EPHA6: variants seen among roughly 807,000 people sequenced by gnomAD.
The protein encoded by EPHA6 is EPH receptor A6, also known as ephrin type-A receptor 6.
In EPHA6, 50 loss-of-function variants were observed where a neutral mutation model predicts 112.0. That is an observed-to-expected ratio of 0.45 (90% CI 0.36 to 0.56). The LOEUF (loss-of-function observed/expected upper bound fraction) is 0.56, where lower values mean the gene tolerates loss of function less well. EPHA6 is among the 20% of genes least tolerant of loss of function. The pLI, the probability that EPHA6 is intolerant of heterozygous loss-of-function variation, is 0.00. For missense variants in EPHA6, 1,280 were observed against 1,417.4 expected, an observed-to-expected ratio of 0.90 and a Z score of 1.56; for synonymous variants, 529 against 490.7, an observed-to-expected ratio of 1.08 and a Z score of -1.03.
chr3:97,582,482 G>A (rs575778627), intron 11 of EPHA6, among the ~76,000 whole-genome samples: 3 of 152,244 alleles, frequency 2.0e-5, no homozygotes, highest in African/African-American at 7.2e-5. Flanking sequence ...AGACATGGAA[G>A]GAAATCCCAT....
chr3:97,644,613 A>C (rs372159626), intron 14 of EPHA6, among the ~76,000 whole-genome samples: 57 of 151,978 alleles, frequency 3.8e-4, no homozygotes, highest in South Asian at 2.3e-3. Flanking sequence ...GATATCACCA[A>C]CGATCCCACA....
At chr3:97,303,546 C>T (rs943884839) in intron 5 of EPHA6, among the ~76,000 whole-genome samples, 3 of 151,912 alleles carry the variant, frequency 2.0e-5, no homozygotes, top group African/African-American at 7.2e-5. Flanking sequence ...AGCTGGACAC[C>T]TTGGGATGCT....
chr3:96,836,120 T>C (rs1030812745), intron 1 of EPHA6, among the ~76,000 whole-genome samples: 1 of 152,078 alleles, frequency 6.6e-6, no homozygotes, highest in African/African-American at 2.4e-5. Context: ...TCTCTGTGAA[T>C]TTTTTCATAA....
At chr3:96,951,345 T>C (rs2041523742) in intron 2 of EPHA6, among the ~76,000 whole-genome samples, 2 of 152,142 alleles carry the variant, frequency 1.3e-5, no homozygotes, top group South Asian at 2.1e-4. Context: ...GATAAAGTTA[T>C]TTAATCAATC....
At chr3:97,417,958 A>G (rs997263365) in intron 6 of EPHA6, among the ~76,000 whole-genome samples, 1 of 152,272 alleles carries the variant, frequency 6.6e-6, no homozygotes, top group African/African-American at 2.4e-5. Context: ...AAAACAAAAC[A>G]TGAGTGAATG....
rs530172607 is a variant in EPHA6 at position 97,472,705 on chromosome 3, A to G, written c.1895-2647A>G. Among the ~76,000 whole-genome samples, 26 of 151,990 alleles carry G rather than the reference A, an allele frequency of 1.7e-4. No individual in the cohort carries two copies. In the South Asian group the frequency reaches 5.2e-3, roughly 30 times the overall value. ...TGTTGCAGCCTGCATGGATAACACA[A>G]TATCATAGTACAATTGCTCTGAAAG... is the stretch of plus-strand genomic sequence containing the variant. On this transcript the variant is annotated intron_variant, in intron 7 of 17. Coordinates refer to ENST00000389672, the MANE Select transcript of EPHA6 (RefSeq NM_001080448.3).
rs369831133 is a variant in EPHA6, at chr3:97,352,826, CA to C, written c.1607-52323del. ...AGGGTGGCCAAGCGGGGAGTGTTTG[CA>C]TCACCCCTTCCCCATCCCAAGGCAG... On this transcript the variant is annotated intron_variant, in intron 5 of 17. Coordinates refer to ENST00000389672, the MANE Select transcript of EPHA6 (RefSeq NM_001080448.3). Among the ~76,000 whole-genome samples, 572 of 152,250 alleles carry C rather than the reference CA, an allele frequency of 3.8e-3. 2 individuals are homozygous for C. Among genetic ancestry groups the C allele is most frequent in the African/African-American group, 0.013 (529 of 41,556 alleles).
chr3:97,632,454 G>A (rs1207308797), intron 13 of EPHA6, among the ~76,000 whole-genome samples: 1 of 151,938 alleles, frequency 6.6e-6, no homozygotes, highest in Admixed American at 6.6e-5. Context: ...AAGCCAAGTT[G>A]GACCAAGTTC....
In EPHA6 at chr3:97,328,040, C is replaced by T. The variant is rs1029302520; in HGVS notation, c.1607-77110C>T. Among the ~76,000 whole-genome samples the T allele has an allele frequency of 1.8e-4, 16 of 89,216 alleles. 1 individual carries two copies. In the East Asian group the frequency reaches 3.9e-3, roughly 22 times the overall value. The allele number at this position is 89,216 out of a possible 152,430, so 58.5% of individuals were successfully genotyped here. A position where few individuals can be genotyped will look rare whatever the true frequency, so the allele number is the denominator to read the frequency against. The stretch of plus-strand genomic sequence containing the variant: ...GTATATATGTATATGTGTATATATA[C>T]ACACATATATACACATATATATATA... On this transcript the variant is annotated intron_variant, in intron 5 of 17. Coordinates refer to ENST00000389672, the MANE Select transcript of EPHA6 (RefSeq NM_001080448.3).
intron 3 of EPHA6, among the ~76,000 whole-genome samples, chr3:97,109,789 C>T (rs1406102832): frequency 2.0e-5 from 3 of 152,190 alleles, no homozygotes; most frequent in Admixed American, 6.6e-5. Context: ...AGGCTCCTGA[C>T]CTTATGAAGA....
intron 12 of EPHA6, among the ~76,000 whole-genome samples, chr3:97,594,694 A>C (rs930985212): frequency 4.6e-5 from 7 of 152,188 alleles, no homozygotes; most frequent in African/African-American, 1.7e-4. Flanking sequence ...AATCATGAGA[A>C]GTTTTTATTA....
chr3:97,032,015 C>G (rs1423791142), intron 3 of EPHA6, among the ~76,000 whole-genome samples: 2 of 152,118 alleles, frequency 1.3e-5, no homozygotes, highest in Non-Finnish European at 2.9e-5. Context: ...TATTGTGGCA[C>G]TATTCACAAT....
At chr3:97,232,212 A>G (rs1050659530) in intron 4 of EPHA6, among the ~76,000 whole-genome samples, 4 of 152,196 alleles carry the variant, frequency 2.6e-5, no homozygotes, top group African/African-American at 9.6e-5. Flanking sequence ...CATATTGATA[A>G]CAATACATAC....
chr3:97,617,547 G>A (rs999002666), intron 13 of EPHA6, among the ~76,000 whole-genome samples: 1 of 152,036 alleles, frequency 6.6e-6, no homozygotes, highest in African/African-American at 2.4e-5. Flanking sequence ...TCACTCACAT[G>A]CAGTAACACA....
chr3:97,552,720 C>T (rs2093046484), intron 11 of EPHA6, among the ~76,000 whole-genome samples: 1 of 152,152 alleles, frequency 6.6e-6, no homozygotes, highest in Admixed American at 6.6e-5. Context: ...GCAGTAAATA[C>T]TAGTTTTGTA....
In EPHA6 at chr3:97,319,274, T is replaced by G. The variant is rs1039153283; in HGVS notation, c.1606+74987T>G. On this transcript the variant is annotated intron_variant, in intron 5 of 17. Coordinates refer to ENST00000389672, the MANE Select transcript of EPHA6 (RefSeq NM_001080448.3). ...TAAGATAATTCTAATTTTTAATATT[T>G]AATCATTTCAGTATTTTAGACCTTT... Among the ~76,000 whole-genome samples, 4 of 151,724 alleles carry G rather than the reference T, an allele frequency of 2.6e-5. 1 individual carries two copies. Among genetic ancestry groups the G allele is most frequent in the African/African-American group, 9.7e-5 (4 of 41,190 alleles).
chr3:96,981,509 C>G (rs78436073), intron 2 of EPHA6, among the ~76,000 whole-genome samples: 7 of 151,280 alleles, frequency 4.6e-5, no homozygotes, highest in Non-Finnish European at 1.0e-4. Context: ...GTCTAAAATT[C>G]TCTTTTTTTT....
At chr3:97,730,286 C>A (rs1035897588) in intron 15 of EPHA6, among the ~76,000 whole-genome samples, 1 of 152,004 alleles carries the variant, frequency 6.6e-6, no homozygotes, top group African/African-American at 2.4e-5. Flanking sequence ...CCCAACTGAG[C>A]CTTCTGTTGA....
chr3:97,438,877 T>C (rs949889525), intron 6 of EPHA6, among the ~76,000 whole-genome samples: 4 of 152,198 alleles, frequency 2.6e-5, no homozygotes, highest in Non-Finnish European at 4.4e-5. Context: ...CCAGTTTTCA[T>C]AGATGAACTG....
Sources: gnomAD v4.1 joint callset for allele counts (sites outside exome capture counted in the v4.1 genomes callset) on GRCh38, gnomAD v4.1.1 for gene constraint, MANE v1.5 for transcripts, NCBI Gene and HGNC (gene_info 2026-07-23, HGNC 2026-07-21) for gene names.